VAT1L: variants seen among roughly 807,000 people sequenced by gnomAD.
The protein encoded by VAT1L is vesicle amine transport 1 like.
A neutral mutation model predicts 44.1 loss-of-function variants in VAT1L; 34 were observed. That is an observed-to-expected ratio of 0.77 (90% CI 0.59 to 1.03). VAT1L has a LOEUF of 1.03. Among genes scored for constraint, VAT1L ranks in the 50% least tolerant of loss-of-function variants. VAT1L has a pLI of 0.00. For missense variants in VAT1L, 615 were observed against 538.8 expected, an observed-to-expected ratio of 1.14 and a Z score of -1.40; for synonymous variants, 253 against 202.2, an observed-to-expected ratio of 1.25 and a Z score of -2.13.
intron 2 of VAT1L, among the ~76,000 whole-genome samples, chr16:77,824,994 A>T (rs2016502053): frequency 6.7e-6 from 1 of 150,190 alleles, no homozygotes; most frequent in African/African-American, 2.4e-5. Context: ...AGCCTCCTGA[A>T]TAGCTGGGAC....
chr16:77,875,677 T>G (rs1200429915), intron 4 of VAT1L, among the ~76,000 whole-genome samples: 1 of 152,236 alleles, frequency 6.6e-6, no homozygotes, highest in Non-Finnish European at 1.5e-5. Flanking sequence ...GCAGTACAAA[T>G]GTGGCTTCTT....
At chr16:77,969,247 G>C (rs546185459) in intron 7 of VAT1L, among the ~76,000 whole-genome samples, 1 of 152,292 alleles carries the variant, frequency 6.6e-6, no homozygotes, top group African/African-American at 2.4e-5. Flanking sequence ...TTAACCGTGA[G>C]TATCTAGAGG....
intron 3 of VAT1L, 119 bp from the exon 4 acceptor site, chr16:77,862,629 A>AG: frequency 2.1e-6 from 2 of 964,878 alleles, no homozygotes; most frequent in East Asian, 3.0e-5. Context: ...TCTCTAAAAA[A>AG]AAAAAAAAAA....
intron 7 of VAT1L, among the ~76,000 whole-genome samples, chr16:77,938,754 T>C (rs1034492425): frequency 3.9e-5 from 6 of 152,254 alleles, no homozygotes; most frequent in African/African-American, 1.4e-4. Context: ...TCTTTATAAA[T>C]TACCCAGTCT....
chr16:77,898,142 C>T (rs925299624), intron 7 of VAT1L, among the ~76,000 whole-genome samples: 3 of 152,164 alleles, frequency 2.0e-5, no homozygotes, highest in Non-Finnish European at 4.4e-5. Context: ...ACAAGGCATT[C>T]CCTCTGTGGG....
Position 77,879,595 on chromosome 16 carries a change from T to C in VAT1L, c.882+371T>C, listed in dbSNP as rs1042471629. Reference sequence around the variant, plus strand: ...GCCACCGCACCCAGCTGTGAGCTCTTCTATCATAAGGCATTGACTTAATCT... The same window carrying C: ...GCCACCGCACCCAGCTGTGAGCTCTCCTATCATAAGGCATTGACTTAATCT... On this transcript the variant is annotated intron_variant, in intron 6 of 8. Coordinates refer to ENST00000302536, the MANE Select transcript of VAT1L (RefSeq NM_020927.3). The surrounding 1 kb of genome is among the most constrained non-coding windows in gnomAD (Gnocchi z 4.1). Among the ~76,000 whole-genome samples, 3 of 152,184 alleles carry C rather than the reference T, an allele frequency of 2.0e-5. No individual in the cohort carries two copies. The highest frequency in any genetic ancestry group is 6.5e-5 in the Admixed American group (1 of 15,272).
At chr16:77,816,605 G>A (rs2016359270) in intron 1 of VAT1L, among the ~76,000 whole-genome samples, 1 of 152,192 alleles carries the variant, frequency 6.6e-6, no homozygotes, top group African/African-American at 2.4e-5. Context: ...TGTTTTTAGA[G>A]TAAGCATAAA....
In VAT1L at chr16:77,916,274, A is replaced by C. The variant is rs545043282; in HGVS notation, c.1077+31472A>C. Among the ~76,000 whole-genome samples, 96 of 152,222 alleles carry C rather than the reference A, an allele frequency of 6.3e-4. 1 individual carries two copies. Among genetic ancestry groups the C allele is most frequent in the African/African-American group, 2.3e-3 (96 of 41,540 alleles). On this transcript the variant is annotated intron_variant, in intron 7 of 8. Transcript: ENST00000302536. ...TCTTGAGCAAAGAAGTGTCCTTGGA[A>C]ATGCTGCCTCCTCTAGAACTCTCCC...
At chr16:77,908,226 G>A (rs569638093) in intron 7 of VAT1L, among the ~76,000 whole-genome samples, 77 of 147,028 alleles carry the variant, frequency 5.2e-4, no homozygotes, top group Non-Finnish European at 8.4e-4. Context: ...GTGACAGAGT[G>A]AGACTCTGTC....
chr16:77,900,555 C>T (rs963066444), intron 7 of VAT1L, among the ~76,000 whole-genome samples: 16 of 151,636 alleles, frequency 1.1e-4, no homozygotes, highest in Admixed American at 1.1e-3. Context: ...ATTAGCTGGG[C>T]GTGGTGGTAG....
At chr16:77,957,016 C>T (rs956995057) in intron 7 of VAT1L, among the ~76,000 whole-genome samples, 2 of 152,170 alleles carry the variant, frequency 1.3e-5, no homozygotes, top group Non-Finnish European at 2.9e-5. Context: ...GAAATGATCA[C>T]CTCTGACTTC....
chr16:77,790,118 C>A (rs543678229), intron 1 of VAT1L, among the ~76,000 whole-genome samples: 1 of 152,254 alleles, frequency 6.6e-6, no homozygotes, highest in South Asian at 2.1e-4. Context: ...AACGAGGGTC[C>A]CCTCCCGTTC....
At chr16:77,825,802 G>A (rs537055865) in intron 3 of VAT1L, among the ~76,000 whole-genome samples, 1 of 151,212 alleles carries the variant, frequency 6.6e-6, no homozygotes, top group South Asian at 2.1e-4. Flanking sequence ...AGATCACGAA[G>A]TCAGGAGATC....
At chr16:77,902,306 G>A (rs1202645905) in intron 7 of VAT1L, among the ~76,000 whole-genome samples, 2 of 152,058 alleles carry the variant, frequency 1.3e-5, no homozygotes, top group African/African-American at 2.4e-5. Flanking sequence ...ATATGTCAAG[G>A]GACAATAGTC....
intron 7 of VAT1L, among the ~76,000 whole-genome samples, chr16:77,922,077 A>G (rs796340875): frequency 3.7e-4 from 57 of 152,256 alleles, no homozygotes; most frequent in African/African-American, 1.3e-3. Context: ...CCTTTTTTTC[A>G]GGTTAGCACC....
chr16:77,835,291 A>G lies in VAT1L; in HGVS notation c.579+9830A>G, dbSNP rs376956698. On this transcript the variant is annotated intron_variant, in intron 3 of 8. Transcript: ENST00000302536. The stretch of plus-strand genomic sequence containing the variant: ...CCAGTGATCTTGTAAATTTAAATCT[A>G]TTAAGCAGTCTTTGGGGTTCTTTCT... 6.6e-4 allele frequency among the ~76,000 whole-genome samples: 101 copies of G among 152,310 alleles called. 2 individuals carry two copies. In the South Asian group the frequency reaches 0.021, roughly 31 times the overall value.
chr16:77,962,739 AGAAGGAAG>A lies in VAT1L; in HGVS notation c.1078-9079_1078-9072del, dbSNP rs200754303. On this transcript the variant is annotated intron_variant, in intron 7 of 8. Transcript: ENST00000302536. ...CTCTACAAAAGAAGGAAAGAAGGAA[AGAAGGAAG>A]GAAGGAAGGAAGGAAGGAAGGAAGG... Among the ~76,000 whole-genome samples the A allele has an allele frequency of 1.6e-3, 208 of 129,444 alleles. 1 individual carries two copies. The highest frequency in any genetic ancestry group is 4.0e-3 in the South Asian group (14 of 3,482). The allele number at this position is 129,444 out of a possible 152,430, so 84.9% of individuals were successfully genotyped here. A position where few individuals can be genotyped will look rare whatever the true frequency, so the allele number is the denominator to read the frequency against.
intron 1 of VAT1L, among the ~76,000 whole-genome samples, chr16:77,812,634 G>A (rs1474610721): frequency 1.3e-5 from 2 of 152,182 alleles, no homozygotes; most frequent in African/African-American, 4.8e-5. Context: ...AATGAGATGT[G>A]TATGAAAGCA....
chr16:77,815,424 G>A (rs1048698177), intron 1 of VAT1L, among the ~76,000 whole-genome samples: 1 of 152,168 alleles, frequency 6.6e-6, no homozygotes, highest in Non-Finnish European at 1.5e-5. Flanking sequence ...GCATACAGAT[G>A]CCTTCAAGGA....
Sources: gnomAD v4.1 joint callset for allele counts (sites outside exome capture counted in the v4.1 genomes callset) on GRCh38, gnomAD v4.1.1 for gene constraint, Gnocchi (gnomAD v3.1) non-coding constraint, MANE v1.5 for transcripts, NCBI Gene and HGNC (gene_info 2026-07-23, HGNC 2026-07-21) for gene names.